Variants in B4GALNT3 observed in about 807,000 individuals in gnomAD.
The protein encoded by B4GALNT3 is beta-1,4-N-acetyl-galactosaminyltransferase 3.
In B4GALNT3, 86 loss-of-function variants were observed where a neutral mutation model predicts 120.2. The observed-to-expected ratio is 0.72, with a 90% CI of 0.60 to 0.86. The LOEUF is 0.86. Among genes scored for constraint, B4GALNT3 ranks in the 40% least tolerant of loss-of-function variants. B4GALNT3 has a pLI of 0.00. For synonymous variants in B4GALNT3, 518 were observed against 510.4 expected (o/e 1.01, Z -0.20); for missense variants, 1,167 against 1,298.9 (o/e 0.90, Z 1.56).
chr12:488,668 T>A (rs532604416), intron 1 of B4GALNT3, among the ~76,000 whole-genome samples: 53 of 152,158 alleles, frequency 3.5e-4, no homozygotes, highest in Middle Eastern at 3.4e-3. Context: ...ATTAAATTTT[T>A]AAAATTTTTT....
chr12:551,054 G>A, intron 11 of B4GALNT3, 23 bp downstream of exon 11: 1 of 1,563,322 alleles, frequency 6.4e-7, no homozygotes, highest in Non-Finnish European at 8.8e-7. Flanking sequence ...CCTGGGTCAT[G>A]GAGAGCAGGG....
At chr12:556,915 CT>C in intron 15 of B4GALNT3, 49 bp downstream of exon 15, 3 of 1,543,574 alleles carry the variant, frequency 1.9e-6, no homozygotes, top group Non-Finnish European at 2.6e-6. Flanking sequence ...GGTCCTCACA[CT>C]GTCAGGAGCA....
rs1375802413 is a variant in B4GALNT3 at position 556,696 on chromosome 12, T to C, written c.2210T>C (p.Ile737Thr). ...GTGTCTGCACGAGGCTGGCAGGGCATCGATCCAGCTGGTGGGGAGGAGGTC... is the reference window on the plus strand; with the variant it reads ...GTGTCTGCACGAGGCTGGCAGGGCACCGATCCAGCTGGTGGGGAGGAGGTC... ...EYVSARGWQGIDPAGGEEVEA... is the reference protein window; with the variant it reads ...EYVSARGWQGTDPAGGEEVEA... Residue 737 changes from isoleucine (I) to threonine (T), a missense_variant, in exon 15 of 20, where the codon ATC becomes ACC. Physicochemically the swap from Ile to Thr is moderately conservative, Grantham distance 89. Coordinates refer to ENST00000266383, the MANE Select transcript of B4GALNT3 (RefSeq NM_173593.4). The C allele has an allele frequency of 1.2e-6, 2 of 1,613,792 alleles. No individual in the cohort carries two copies. Among genetic ancestry groups the C allele is most frequent in the African/African-American group, 2.7e-5 (2 of 74,924 alleles).
At chr12:477,227 C>T (rs566181468) in intron 1 of B4GALNT3, among the ~76,000 whole-genome samples, 3 of 152,280 alleles carry the variant, frequency 2.0e-5, no homozygotes, top group East Asian at 1.9e-4. Context: ...CTGAGTTTCA[C>T]GAGGTCAGGG....
At chr12:547,573 TCCGCAGAGCA>T (rs1947023920) in intron 7 of B4GALNT3, among the ~76,000 whole-genome samples, 1 of 152,166 alleles carries the variant, frequency 6.6e-6, no homozygotes, top group African/African-American at 2.4e-5. Flanking sequence ...CGTGTGCAGC[TCCGCAGAGCA>T]GCTGGTGCGT....
At chr12:488,693 G>A (rs1447271919) in intron 1 of B4GALNT3, among the ~76,000 whole-genome samples, 1 of 152,062 alleles carries the variant, frequency 6.6e-6, no homozygotes, top group African/African-American at 2.4e-5. Context: ...AATGGCACAT[G>A]CATGTAGCTC....
intron 11 of B4GALNT3, 123 bp downstream of exon 11, chr12:551,154 C>T (rs764604850): frequency 1.4e-4 from 120 of 835,206 alleles, no homozygotes; most frequent in Non-Finnish European, 1.7e-4. Context: ...GCAGACAGGA[C>T]GTCCTCACAG....
chr12:500,309 A>C (rs1239682604), intron 1 of B4GALNT3, among the ~76,000 whole-genome samples: 1 of 152,192 alleles, frequency 6.6e-6, no homozygotes, highest in Non-Finnish European at 1.5e-5. Context: ...CCCAGCCAGA[A>C]GCAACTCTTT....
intron 1 of B4GALNT3, among the ~76,000 whole-genome samples, chr12:507,614 G>A (rs1005834859): frequency 6.6e-5 from 10 of 152,202 alleles, no homozygotes; most frequent in Middle Eastern, 3.2e-3. Context: ...CACACCCTAC[G>A]CCCTGCGAGT....
At chr12:547,039 C>T (rs1051643468) in intron 7 of B4GALNT3, among the ~76,000 whole-genome samples, 13 of 152,234 alleles carry the variant, frequency 8.5e-5, no homozygotes, top group African/African-American at 3.1e-4. Context: ...GACCCCGGAC[C>T]GAGGTCCCCC....
chr12:500,663 TG>T (rs1946429707), intron 1 of B4GALNT3, among the ~76,000 whole-genome samples: 1 of 152,104 alleles, frequency 6.6e-6, no homozygotes, highest in African/African-American at 2.4e-5. Flanking sequence ...CTGAATCCCG[TG>T]GGTGCCCCAA....
chr12:546,732 A>C lies in B4GALNT3; in HGVS notation c.707+19A>C. 1 of 1,550,384 alleles carries C rather than the reference A, an allele frequency of 6.5e-7. No homozygotes were observed. Among genetic ancestry groups the C allele is most frequent in the South Asian group, 1.2e-5 (1 of 84,010 alleles). On this transcript the variant is annotated intron_variant, in intron 7 of 19. Coordinates refer to ENST00000266383, the MANE Select transcript of B4GALNT3 (RefSeq NM_173593.4). ...CGGTGAGGTGAGTGAGGGTCAGGAC[A>C]GGCGCTGTGGGCGCCTCGGTGCCTC...
At chr12:522,876 G>T (rs1019392904) in intron 1 of B4GALNT3, among the ~76,000 whole-genome samples, 1 of 147,240 alleles carries the variant, frequency 6.8e-6, no homozygotes, top group African/African-American at 2.5e-5. Flanking sequence ...GGTCAAGGCT[G>T]CAGTGAGCCG....
At chr12:471,207 C>G (rs963737276) in intron 1 of B4GALNT3, among the ~76,000 whole-genome samples, 21 of 148,182 alleles carry the variant, frequency 1.4e-4, no homozygotes, top group African/African-American at 5.0e-4. Context: ...GCCAACATGG[C>G]AAAACCCTGT....
At chr12:462,587 C>T (rs191433787) in intron 1 of B4GALNT3, among the ~76,000 whole-genome samples, 1 of 152,082 alleles carries the variant, frequency 6.6e-6, no homozygotes, top group East Asian at 1.9e-4. Context: ...TCTTCCCAGC[C>T]TCTATGCCAG....
rs187631386 is a variant in B4GALNT3, at chr12:485,776, T to C, written c.169+25231T>C. ...AACCTAGTCAACTTCTGGTCTACCA[T>C]GTAAGGAGCTCAGAATCTCTGCCCT... On this transcript the variant is annotated intron_variant, in intron 1 of 19. Coordinates refer to ENST00000266383, the MANE Select transcript of B4GALNT3 (RefSeq NM_173593.4). Among the ~76,000 whole-genome samples, 84 of 152,326 alleles carry C rather than the reference T, an allele frequency of 5.5e-4. 1 individual carries two copies. The highest frequency in any genetic ancestry group is 1.9e-3 in the African/African-American group (79 of 41,580).
intron 1 of B4GALNT3, among the ~76,000 whole-genome samples, chr12:524,465 G>A (rs115803618): frequency 6.6e-6 from 1 of 152,304 alleles, no homozygotes; most frequent in African/African-American, 2.4e-5. Context: ...CCGTCAGGTG[G>A]GGAGAGGGCA....
intron 14 of B4GALNT3, 64 bp from the exon 15 acceptor site, chr12:556,483 C>A: frequency 6.7e-7 from 1 of 1,483,430 alleles, no homozygotes; most frequent in Non-Finnish European, 9.3e-7. Context: ...AGGCTTCTCA[C>A]ACACCGTGCT....
intron 1 of B4GALNT3, among the ~76,000 whole-genome samples, chr12:510,016 G>T (rs114618398): frequency 2.0e-5 from 3 of 152,058 alleles, no homozygotes; most frequent in African/African-American, 7.3e-5. Flanking sequence ...TTCCATGGCC[G>T]AGTGAGTTCA....
Sources: gnomAD v4.1 joint callset for allele counts (sites outside exome capture counted in the v4.1 genomes callset) on GRCh38, gnomAD v4.1.1 for gene constraint, MANE v1.5 for transcripts, NCBI Gene and HGNC (gene_info 2026-07-23, HGNC 2026-07-21) for gene names.